Variants in RALYL observed in about 807,000 individuals in gnomAD.
RALYL encodes RNA-binding Raly-like protein.
Under a neutral mutation model 35.1 loss-of-function variants are expected in RALYL, and 29 were observed. The observed-to-expected ratio is 0.83, with a 90% confidence interval of 0.61 to 1.13. RALYL has a LOEUF of 1.13. Among genes scored for constraint, RALYL ranks in the 50% most tolerant of loss-of-function variants. The pLI, the probability that RALYL is intolerant of heterozygous loss-of-function variation, is 0.00. For missense variants in RALYL, 359 were observed against 360.4 expected (o/e 1.00, Z 0.03); for synonymous variants, 120 against 127.6 (o/e 0.94, Z 0.40).
At chr8:84,850,126 A>T in intron 5 of RALYL, 99 bp downstream of exon 5, 1 of 566,962 alleles carries the variant, frequency 1.8e-6, no homozygotes, top group East Asian at 3.4e-5. Context: ...GGTATTTAAA[A>T]CAATATTATT....
chr8:84,238,710 G>A (rs1827168616), intron 1 of RALYL, among the ~76,000 whole-genome samples: 1 of 152,066 alleles, frequency 6.6e-6, no homozygotes, highest in African/African-American at 2.4e-5. Context: ...GTAGTGGTAG[G>A]GTATGAGAGA....
At chr8:84,429,298 C>T (rs2046889707) in intron 1 of RALYL, among the ~76,000 whole-genome samples, 1 of 152,094 alleles carries the variant, frequency 6.6e-6, no homozygotes, top group Admixed American at 6.6e-5. Context: ...TGTTTGAGTA[C>T]TTACAAACTA....
At chr8:84,328,097 A>G (rs1846147841) in intron 1 of RALYL, among the ~76,000 whole-genome samples, 1 of 152,150 alleles carries the variant, frequency 6.6e-6, no homozygotes, top group Admixed American at 6.5e-5. Context: ...CTTAGAACTT[A>G]TTACGGTAAC....
At chr8:84,905,571 T>A (rs1238003728) in intron 8 of RALYL, among the ~76,000 whole-genome samples, 1 of 152,138 alleles carries the variant, frequency 6.6e-6, no homozygotes, top group East Asian at 1.9e-4. Flanking sequence ...ATTTCTCCAC[T>A]TATCTTTGTA....
At chr8:84,493,330 G>C (rs1392140416) in intron 1 of RALYL, among the ~76,000 whole-genome samples, 2 of 152,044 alleles carry the variant, frequency 1.3e-5, no homozygotes, top group African/African-American at 4.8e-5. Context: ...TGGTCATTTG[G>C]GTTGGTTCCA....
chr8:84,423,549 A>G (rs942076360), intron 1 of RALYL, among the ~76,000 whole-genome samples: 1 of 151,808 alleles, frequency 6.6e-6, no homozygotes, highest in African/African-American at 2.4e-5. Context: ...GTCCATTTAT[A>G]TTTAAATTTA....
intron 6 of RALYL, among the ~76,000 whole-genome samples, chr8:84,862,796 G>C (rs1838388096): frequency 6.6e-6 from 1 of 152,086 alleles, no homozygotes; most frequent in South Asian, 2.1e-4. Flanking sequence ...ACTTCCAAAG[G>C]GAGTGCATAA....
At position 84,371,830 on chromosome 8, in the gene RALYL, T is replaced by G. The variant is rs139305440; in HGVS notation, c.-23-157469T>G. On this transcript the variant is annotated intron_variant, in intron 1 of 8. Coordinates refer to ENST00000521268, the MANE Select transcript of RALYL (RefSeq NM_173848.7). The stretch of plus-strand genomic sequence containing the variant: ...TAAAGTTGTCAAATGCCAGTGTAGC[T>G]TTTATTATACATATATAGAGAGACA... Among the ~76,000 whole-genome samples the G allele has an allele frequency of 3.5e-4, 53 of 152,230 alleles. No individual in the cohort carries two copies. The East Asian group carries it at 9.7e-3, about 28-fold the overall frequency.
chr8:84,190,804 T>A (rs1245153949), intron 1 of RALYL, among the ~76,000 whole-genome samples: 2 of 152,026 alleles, frequency 1.3e-5, no homozygotes, highest in African/African-American at 4.8e-5. Context: ...GATATGACAG[T>A]ATCATCTACA....
intron 1 of RALYL, among the ~76,000 whole-genome samples, chr8:84,389,732 G>A (rs1321760223): frequency 2.0e-5 from 3 of 149,970 alleles, no homozygotes; most frequent in Non-Finnish European, 4.4e-5. Flanking sequence ...ATCAGCTTAA[G>A]GAGATTTTGG....
chr8:84,917,634 CCTATACT>C (rs1344741926), intron 8 of RALYL, among the ~76,000 whole-genome samples: 1 of 151,032 alleles, frequency 6.6e-6, no homozygotes, highest in Non-Finnish European at 1.5e-5. Context: ...GATTCACTGT[CCTATACT>C]CTAAATGGCC....
chr8:84,849,287 T>C (rs1563739491), intron 4 of RALYL, among the ~76,000 whole-genome samples: 1 of 152,206 alleles, frequency 6.6e-6, no homozygotes, highest in Non-Finnish European at 1.5e-5. Context: ...TTTTTCTCTA[T>C]TTAAAGTATT....
intron 2 of RALYL, among the ~76,000 whole-genome samples, chr8:84,579,315 G>A (rs908968683): frequency 6.6e-6 from 1 of 152,160 alleles, no homozygotes; most frequent in Non-Finnish European, 1.5e-5. Context: ...ACAGGCAATG[G>A]GAGCAGGCCC....
intron 2 of RALYL, among the ~76,000 whole-genome samples, chr8:84,731,233 C>A (rs1333024094): frequency 6.6e-6 from 1 of 152,088 alleles, no homozygotes; most frequent in Non-Finnish European, 1.5e-5. Flanking sequence ...GAATAGGAGG[C>A]TGAGATCTGT....
chr8:84,318,418 C>T (rs1375680613), intron 1 of RALYL, among the ~76,000 whole-genome samples: 1 of 152,216 alleles, frequency 6.6e-6, no homozygotes, highest in Non-Finnish European at 1.5e-5. Flanking sequence ...CCATGGTAAT[C>T]TTTCACTGAC....
intron 1 of RALYL, among the ~76,000 whole-genome samples, chr8:84,408,404 GGT>G (rs1430992692): frequency 6.6e-6 from 1 of 152,046 alleles, no homozygotes; most frequent in African/African-American, 2.4e-5. Flanking sequence ...AGACAAATAA[GGT>G]TCAAAGTAAT....
At chr8:84,352,440 G>T (rs534251504) in intron 1 of RALYL, among the ~76,000 whole-genome samples, 1 of 150,452 alleles carries the variant, frequency 6.6e-6, no homozygotes, top group African/African-American at 2.5e-5. Flanking sequence ...TATTTGAAGG[G>T]CCATTTAGGA....
chr8:84,888,590 T>C (rs1286199470), intron 8 of RALYL, among the ~76,000 whole-genome samples: 2 of 152,172 alleles, frequency 1.3e-5, no homozygotes, highest in African/African-American at 2.4e-5. Flanking sequence ...AAAATCAGGT[T>C]CCAGTTTAAT....
chr8:84,240,214 A>C (rs1225180968), intron 1 of RALYL, among the ~76,000 whole-genome samples: 1 of 152,240 alleles, frequency 6.6e-6, no homozygotes, highest in African/African-American at 2.4e-5. Context: ...AAACAGGTAA[A>C]AAATTAAAAA....
Sources: gnomAD v4.1 joint callset for allele counts (sites outside exome capture counted in the v4.1 genomes callset) on GRCh38, gnomAD v4.1.1 for gene constraint, MANE v1.5 for transcripts, NCBI Gene and HGNC (gene_info 2026-07-23, HGNC 2026-07-21) for gene names.